The following SPATA31H1 variants were observed in gnomAD, a reference collection of about 807,000 sequenced individuals.
The protein encoded by SPATA31H1 is spermatogenesis-associated protein 31H1.
chr2:27,577,204 CAATGGT>C, the SPATA31H1 span: 3 of 1,613,790 alleles, frequency 1.9e-6, no homozygotes, highest in African/African-American at 4.0e-5. This position sits in a 1 kb window ranked among gnomAD's most constrained non-coding sequence, Gnocchi z 4.5. Flanking sequence ...GATCTGACTC[CAATGGT>C]AAGGGATCAA....
chr2:27,539,101 C>CTTTTTTTTT, the SPATA31H1 span, among the ~76,000 whole-genome samples: 2 of 94,634 alleles, frequency 2.1e-5, no homozygotes, highest in African/African-American at 4.5e-5. Flanking sequence ...TCATCATTTT[C>CTTTTTTTTT]TTTTTTTTTT....
At chr2:27,537,828 G>A in the SPATA31H1 span, among the ~76,000 whole-genome samples, 1 of 152,180 alleles carries the variant, frequency 6.6e-6, no homozygotes, top group Non-Finnish European at 1.5e-5. Context: ...AAGAGAATGT[G>A]ATTAAGAGTT....
At chr2:27,548,607 C>CA in the SPATA31H1 span, among the ~76,000 whole-genome samples, 6,615 of 120,190 alleles carry the variant, frequency 0.055, 485 homozygotes, top group African/African-American at 0.19. Context: ...GGCCCTGTTT[C>CA]AAAAAAAAAA....
chr2:27,542,908 C>A, the SPATA31H1 span, among the ~76,000 whole-genome samples: 1 of 151,896 alleles, frequency 6.6e-6, no homozygotes, highest in African/African-American at 2.4e-5. Flanking sequence ...ACCACCCTGT[C>A]TCTACTGAAA....
chr2:27,567,385 G>A, the SPATA31H1 span: 1 of 477,544 alleles, frequency 2.1e-6, no homozygotes, highest in Admixed American at 3.7e-5. Context: ...GAAGTACAAG[G>A]AGGAGTTGCT....
the SPATA31H1 span, among the ~76,000 whole-genome samples, chr2:27,556,161 A>C: frequency 6.7e-6 from 1 of 148,282 alleles, no homozygotes; most frequent in Non-Finnish European, 1.5e-5. Flanking sequence ...AAAAAAATTC[A>C]TTGTGTTGGT....
chr2:27,541,049 G>GGAGGTTGTAGC, the SPATA31H1 span, among the ~76,000 whole-genome samples: 3 of 142,500 alleles, frequency 2.1e-5, no homozygotes, highest in African/African-American at 5.4e-5. Context: ...GCTGGGAGGT[G>GGAGGTTGTAGC]GAGGTTGTAG....
chr2:27,577,436 T>C, the SPATA31H1 span: 1 of 1,614,008 alleles, frequency 6.2e-7, no homozygotes, highest in South Asian at 1.1e-5. This position sits in a 1 kb window ranked among gnomAD's most constrained non-coding sequence, Gnocchi z 4.5. Context: ...TACAAGCAAA[T>C]GAATTCTTTG....
chr2:27,581,584 G>C, the SPATA31H1 span: 16 of 1,429,344 alleles, frequency 1.1e-5, no homozygotes, highest in African/African-American at 1.6e-5. Flanking sequence ...AGAAGACATC[G>C]CAGTCCCTCC....
the SPATA31H1 span, among the ~76,000 whole-genome samples, chr2:27,560,596 T>G: frequency 6.6e-6 from 1 of 152,002 alleles, no homozygotes; most frequent in Non-Finnish European, 1.5e-5. Flanking sequence ...TAGCTGGGAC[T>G]ACAGGCGCCC....
the SPATA31H1 span, among the ~76,000 whole-genome samples, chr2:27,560,194 G>A: frequency 1.3e-5 from 2 of 152,036 alleles, no homozygotes; most frequent in South Asian, 4.1e-4. Context: ...AATATGCATA[G>A]GTGTTTTCTA....
chr2:27,544,544 T>C, the SPATA31H1 span, among the ~76,000 whole-genome samples: 3 of 150,598 alleles, frequency 2.0e-5, no homozygotes, highest in Non-Finnish European at 4.4e-5. Flanking sequence ...TTTTTTTTTT[T>C]TTTTTTCTGA....
chr2:27,570,315 T>C, the SPATA31H1 span: 121 of 398,764 alleles, frequency 3.0e-4, no homozygotes, highest in Admixed American at 1.1e-3. Flanking sequence ...ATCTGCGAAA[T>C]TGACCTCAGA....
the SPATA31H1 span, among the ~76,000 whole-genome samples, chr2:27,552,778 C>G: frequency 6.6e-6 from 1 of 152,024 alleles, no homozygotes; most frequent in Non-Finnish European, 1.5e-5. Flanking sequence ...CTTTGAACCT[C>G]TCAGTGTACA....
chr2:27,559,146 AGGT>A, the SPATA31H1 span, among the ~76,000 whole-genome samples: 1 of 152,312 alleles, frequency 6.6e-6, no homozygotes, highest in East Asian at 1.9e-4. Context: ...AGAAAATTCA[AGGT>A]TCTGGATAAA....
At chr2:27,576,893 A>G in the SPATA31H1 span, 2 of 1,614,130 alleles carry the variant, frequency 1.2e-6, no homozygotes, top group Non-Finnish European at 1.7e-6. Flanking sequence ...ATGGGGAGCA[A>G]ACTCCAAGAA....
chr2:27,552,447 T>C, the SPATA31H1 span, among the ~76,000 whole-genome samples: 1 of 152,056 alleles, frequency 6.6e-6, no homozygotes, highest in Non-Finnish European at 1.5e-5. Context: ...TTCATAGATC[T>C]ATATGTTTAT....
the SPATA31H1 span, chr2:27,575,156 T>C: frequency 5.0e-6 from 2 of 398,548 alleles, no homozygotes; most frequent in African/African-American, 2.1e-5. The surrounding 1 kb of genome is among the most constrained non-coding windows in gnomAD (Gnocchi z 4.1). Context: ...TGATAAAGCT[T>C]CAGACGGTGA....
At chr2:27,578,971 G>A in the SPATA31H1 span, 1 of 1,613,976 alleles carries the variant, frequency 6.2e-7, no homozygotes, top group Non-Finnish European at 8.5e-7. Context: ...CATAATCAAA[G>A]CTCCGATAAG....
Sources: gnomAD v4.1 joint callset for allele counts (sites outside exome capture counted in the v4.1 genomes callset) on GRCh38, gnomAD v4.1.1 for gene constraint, Gnocchi (gnomAD v3.1) non-coding constraint, MANE v1.5 for transcripts, NCBI Gene and HGNC (gene_info 2026-07-23, HGNC 2026-07-21) for gene names.